EPHB1: variants seen among roughly 807,000 people sequenced by gnomAD.
The protein encoded by EPHB1 is EPH receptor B1, also known as ephrin type-B receptor 1.
EPHB1 carries 30 observed loss-of-function variants against 94.4 expected under a neutral mutation model. The ratio of observed to expected loss-of-function variants is 0.32; its 90% CI spans 0.24 to 0.43. The LOEUF is 0.43. Among genes scored for constraint, EPHB1 ranks in the 20% least tolerant of loss-of-function variants. The pLI is 1.00. For synonymous variants in EPHB1, 522 were observed against 489.1 expected (o/e 1.07, Z -0.89); for missense variants, 1,055 against 1,308.3 (o/e 0.81, Z 2.99).
intron 3 of EPHB1, among the ~76,000 whole-genome samples, chr3:134,959,356 T>C (rs1933412242): frequency 6.6e-6 from 1 of 152,128 alleles, no homozygotes; most frequent in African/African-American, 2.4e-5. Context: ...TAGTTAATGT[T>C]AGCACTGGGA....
At chr3:135,060,896 A>G (rs573767151) in intron 3 of EPHB1, among the ~76,000 whole-genome samples, 74 of 145,820 alleles carry the variant, frequency 5.1e-4, no homozygotes, top group African/African-American at 1.8e-3. Context: ...CATTCTTTCT[A>G]TTTTTTTTTT....
intron 1 of EPHB1, among the ~76,000 whole-genome samples, chr3:134,873,770 G>A (rs574679499): frequency 1.4e-4 from 22 of 152,216 alleles, no homozygotes; most frequent in Admixed American, 9.2e-4. Flanking sequence ...AGGGAAGTTG[G>A]TATGAGGTTT....
chr3:135,180,122 G>A (rs1942114806), intron 10 of EPHB1, 140 bp downstream of exon 10: 1 of 1,010,562 alleles, frequency 9.9e-7, no homozygotes. Context: ...AGATGAGTCT[G>A]AACTATCTAC....
At chr3:134,844,309 C>G (rs2036829932) in intron 1 of EPHB1, among the ~76,000 whole-genome samples, 1 of 152,202 alleles carries the variant, frequency 6.6e-6, no homozygotes, top group South Asian at 2.1e-4. Context: ...AAAGCACATT[C>G]AAAATTCAGG....
At chr3:135,224,009 T>C (rs1051477928) in intron 12 of EPHB1, among the ~76,000 whole-genome samples, 6 of 152,214 alleles carry the variant, frequency 3.9e-5, no homozygotes, top group African/African-American at 1.4e-4. Flanking sequence ...GCTGCTCCCA[T>C]ATTATATTAC....
intron 1 of EPHB1, among the ~76,000 whole-genome samples, chr3:134,900,913 T>A (rs2038187549): frequency 6.6e-6 from 1 of 152,180 alleles, no homozygotes; most frequent in Non-Finnish European, 1.5e-5. Flanking sequence ...TCACATAGCA[T>A]ACAGTTGCAT....
At chr3:135,176,753 C>T (rs1292764592) in intron 9 of EPHB1, among the ~76,000 whole-genome samples, 1 of 152,204 alleles carries the variant, frequency 6.6e-6, no homozygotes, top group Non-Finnish European at 1.5e-5. Context: ...CTGTAAAACT[C>T]ATTAACTCAG....
intron 4 of EPHB1, among the ~76,000 whole-genome samples, chr3:135,109,427 A>G (rs1939350062): frequency 6.6e-6 from 1 of 152,250 alleles, no homozygotes; most frequent in African/African-American, 2.4e-5. Context: ...TCAGCCAAAT[A>G]GTATTGTAGA....
intron 1 of EPHB1, among the ~76,000 whole-genome samples, chr3:134,833,809 C>T (rs1375716389): frequency 6.6e-6 from 1 of 152,176 alleles, no homozygotes; most frequent in Non-Finnish European, 1.5e-5. Flanking sequence ...GGCAGAGGGT[C>T]ACCCAGCATG....
chr3:135,106,727 A>G, intron 4 of EPHB1, 124 bp downstream of exon 4: 1 of 1,260,234 alleles, frequency 7.9e-7, no homozygotes, highest in Non-Finnish European at 1.1e-6. Context: ...ATTGCTGGCC[A>G]TGGTGCTGAA....
intron 3 of EPHB1, among the ~76,000 whole-genome samples, chr3:135,075,533 G>A (rs1438195659): frequency 6.6e-6 from 1 of 152,160 alleles, no homozygotes; most frequent in Non-Finnish European, 1.5e-5. Flanking sequence ...ATGATGAAAT[G>A]TCTCTTTCTT....
intron 1 of EPHB1, among the ~76,000 whole-genome samples, chr3:134,917,461 T>C (rs1315788665): frequency 3.3e-5 from 5 of 152,226 alleles, no homozygotes; most frequent in African/African-American, 7.2e-5. Flanking sequence ...ATGCCACGTG[T>C]GAACCAAGAC....
chr3:134,978,179 C>T (rs1374405498), intron 3 of EPHB1: 1 of 339,596 alleles, frequency 2.9e-6, no homozygotes, highest in Non-Finnish European at 5.8e-6. Context: ...AAGTCCTATC[C>T]ATTCCACTGT....
chr3:134,862,801 A>G (rs1315447354), intron 1 of EPHB1, among the ~76,000 whole-genome samples: 1 of 152,136 alleles, frequency 6.6e-6, no homozygotes, highest in East Asian at 1.9e-4. Context: ...AGCACAGTTG[A>G]TGACCCTCCT....
chr3:134,988,589 C>A (rs941465824), intron 3 of EPHB1, among the ~76,000 whole-genome samples: 5 of 152,094 alleles, frequency 3.3e-5, no homozygotes, highest in Non-Finnish European at 2.9e-5. Context: ...CCAGAATATG[C>A]CCACTCCTCC....
intron 12 of EPHB1, 124 bp from the exon 13 acceptor site, chr3:135,241,024 G>C: frequency 8.6e-7 from 1 of 1,168,996 alleles, no homozygotes; most frequent in South Asian, 1.3e-5. Context: ...AGAATAGCCT[G>C]TCTGTCATAA....
chr3:134,962,209 C>T (rs1361106283), intron 3 of EPHB1, among the ~76,000 whole-genome samples: 1 of 152,124 alleles, frequency 6.6e-6, no homozygotes, highest in Non-Finnish European at 1.5e-5. Flanking sequence ...TTGTTGTTAC[C>T]ATTTGCATTT....
intron 3 of EPHB1, among the ~76,000 whole-genome samples, chr3:135,003,555 G>A (rs1489863754): frequency 6.6e-6 from 1 of 151,460 alleles, no homozygotes; most frequent in African/African-American, 2.4e-5. Flanking sequence ...TGTTGACAGT[G>A]GGGTGTTAAA....
At chr3:135,062,002 G>A (rs571532647) in intron 3 of EPHB1, among the ~76,000 whole-genome samples, 78 of 152,106 alleles carry the variant, frequency 5.1e-4, no homozygotes, top group Non-Finnish European at 9.8e-4. Context: ...TATCATTGTT[G>A]GACATTTGGG....
Sources: allele counts gnomAD v4.1 joint callset (sites outside exome capture counted in the v4.1 genomes callset), GRCh38; gene constraint gnomAD v4.1.1; transcripts MANE v1.5; gene names NCBI Gene and HGNC (gene_info 2026-07-23, HGNC 2026-07-21).